CNTNAP2: variants seen among roughly 807,000 people sequenced by gnomAD.
CNTNAP2 encodes the protein contactin associated protein 2.
A neutral mutation model predicts 155.2 loss-of-function variants in CNTNAP2; 98 were observed. The ratio of observed to expected loss-of-function variants is 0.63; its 90% CI spans 0.54 to 0.75. The LOEUF (loss-of-function observed/expected upper bound fraction) is 0.75. CNTNAP2 is among the 30% of genes least tolerant of loss of function. The probability of loss-of-function intolerance (pLI) is 0.00; values close to 1 mark genes in which losing one functional copy is unlikely to be tolerated. For missense variants in CNTNAP2, 1,727 were observed against 1,688.1 expected (o/e 1.02, Z -0.40); for synonymous variants, 651 against 631.2 (o/e 1.03, Z -0.47).
chr7:147,376,173 T>C (rs1047023825), intron 9 of CNTNAP2, among the ~76,000 whole-genome samples: 1 of 152,066 alleles, frequency 6.6e-6, no homozygotes, highest in Non-Finnish European at 1.5e-5. Context: ...TAAACATACA[T>C]GTTTTGGAAG....
At chr7:147,590,495 G>T (rs767876335) in intron 12 of CNTNAP2, among the ~76,000 whole-genome samples, 1 of 152,078 alleles carries the variant, frequency 6.6e-6, no homozygotes, top group East Asian at 1.9e-4. Context: ...GGTGCCTTCC[G>T]CCATGATTAT....
intron 9 of CNTNAP2, among the ~76,000 whole-genome samples, chr7:147,317,776 A>ATATGTGTGTG (rs1405297462): frequency 1.5e-5 from 2 of 134,242 alleles, no homozygotes; most frequent in African/African-American, 3.1e-5. Flanking sequence ...ATATATATAT[A>ATATGTGTGTG]TGTGTGTGTG....
chr7:146,823,217 G>A (rs1287835512), intron 2 of CNTNAP2, among the ~76,000 whole-genome samples: 35 of 132,826 alleles, frequency 2.6e-4, no homozygotes, highest in African/African-American at 9.6e-4. Flanking sequence ...ATTTAAATAT[G>A]AGTATACTCA....
intron 9 of CNTNAP2, among the ~76,000 whole-genome samples, chr7:147,329,138 AC>A (rs201685568): frequency 1.3e-5 from 2 of 149,468 alleles, no homozygotes; most frequent in Non-Finnish European, 3.0e-5. Flanking sequence ...GGGATTGAGC[AC>A]CCCCCCACAC....
chr7:148,338,568 G>C (rs1043754700), intron 21 of CNTNAP2, among the ~76,000 whole-genome samples: 1 of 151,934 alleles, frequency 6.6e-6, no homozygotes, highest in Non-Finnish European at 1.5e-5. Context: ...GTGAGGGGGG[G>C]GTGAGTTACT....
At chr7:147,489,015 AT>A (rs1426851715) in intron 11 of CNTNAP2, among the ~76,000 whole-genome samples, 1 of 152,208 alleles carries the variant, frequency 6.6e-6, no homozygotes, top group Non-Finnish European at 1.5e-5. Context: ...TTCTATACCA[AT>A]AATTGCCCAA....
chr7:147,946,239 G>C (rs1800818430), intron 14 of CNTNAP2, among the ~76,000 whole-genome samples: 1 of 152,140 alleles, frequency 6.6e-6, no homozygotes, highest in Non-Finnish European at 1.5e-5. Flanking sequence ...ACTTCAGTGT[G>C]AAAAGGCTGG....
intron 8 of CNTNAP2, among the ~76,000 whole-genome samples, chr7:147,172,311 C>A (rs1417852738): frequency 6.6e-6 from 1 of 152,040 alleles, no homozygotes; most frequent in Non-Finnish European, 1.5e-5. Flanking sequence ...CAATATTTAA[C>A]TTTAAAAATG....
chr7:147,769,841 C>A (rs920389032), intron 13 of CNTNAP2, among the ~76,000 whole-genome samples: 2 of 152,080 alleles, frequency 1.3e-5, no homozygotes, highest in African/African-American at 4.8e-5. Flanking sequence ...CATGCTGTGG[C>A]ATAGTGTCCT....
At chr7:147,081,039 C>T (rs545246310) in intron 4 of CNTNAP2, 1 of 152,182 alleles carries the variant, frequency 6.6e-6, no homozygotes, top group East Asian at 1.9e-4. Flanking sequence ...AATATAACTC[C>T]TGATCCTGTC....
intron 13 of CNTNAP2, among the ~76,000 whole-genome samples, chr7:147,852,364 T>A (rs1043652887): frequency 6.6e-6 from 1 of 152,194 alleles, no homozygotes; most frequent in African/African-American, 2.4e-5. Context: ...CAAAAATATG[T>A]TAAGATGTTC....
intron 1 of CNTNAP2, among the ~76,000 whole-genome samples, chr7:146,761,568 A>G (rs1177734758): frequency 6.6e-6 from 1 of 152,092 alleles, no homozygotes; most frequent in African/African-American, 2.4e-5. Context: ...GATGCTATAC[A>G]TTCCCATATT....
At position 146,116,894 on chromosome 7, in the gene CNTNAP2, C is replaced by T. The variant is rs748908765; in HGVS notation, c.18C>T (p.Arg6=). 6.5e-7 allele frequency: 1 copy of T among 1,546,188 alleles called. No homozygotes were observed. Among genetic ancestry groups the T allele is most frequent in the Non-Finnish European group, 8.7e-7 (1 of 1,143,584 alleles). The change falls in exon 1 of 24, where the codon CGC becomes CGT. Residue 6 remains arginine (R), a synonymous_variant. Transcript: ENST00000361727. The surrounding 1 kb of genome is among the most constrained non-coding windows in gnomAD (Gnocchi z 5.5). The part of the protein sequence containing the change: MQAAP[R]AGCGAALLLW... ...GGCGAAGGATGCAGGCGGCTCCGCG[C>T]GCCGGCTGCGGGGCAGCGCTCCTGC... is the stretch of plus-strand genomic sequence containing the variant.
chr7:146,817,022 G>T (rs543113065), intron 2 of CNTNAP2, among the ~76,000 whole-genome samples: 1 of 152,218 alleles, frequency 6.6e-6, no homozygotes, highest in East Asian at 1.9e-4. Flanking sequence ...GAGGGGAAAG[G>T]CAGGATGAAA....
intron 3 of CNTNAP2, among the ~76,000 whole-genome samples, chr7:146,855,872 G>A (rs73459396): frequency 0.46 from 63,167 of 136,984 alleles, 14,779 homozygotes; most frequent in African/African-American, 0.59. Flanking sequence ...CATACTACAT[G>A]CTAAGTAGCT....
intron 1 of CNTNAP2, among the ~76,000 whole-genome samples, chr7:146,125,779 A>C (rs896132392): frequency 1.3e-5 from 2 of 152,066 alleles, no homozygotes; most frequent in Admixed American, 6.6e-5. Context: ...TTCCAAAGAC[A>C]GGGATGCTTG....
chr7:147,250,403 AG>A, intron 8 of CNTNAP2, among the ~76,000 whole-genome samples: 1 of 152,300 alleles, frequency 6.6e-6, no homozygotes. Context: ...AAAAAAATGC[AG>A]ATGGAGATTC....
chr7:146,791,712 T>C (rs985292594), intron 2 of CNTNAP2, among the ~76,000 whole-genome samples: 3 of 152,208 alleles, frequency 2.0e-5, no homozygotes, highest in African/African-American at 7.2e-5. Context: ...TCCTCAGCAA[T>C]TTATCAATGA....
chr7:148,191,466 C>T (rs906872280), intron 18 of CNTNAP2, among the ~76,000 whole-genome samples: 1 of 152,160 alleles, frequency 6.6e-6, no homozygotes, highest in Non-Finnish European at 1.5e-5. Context: ...GTGATAGCAG[C>T]GCCAAATAGA....
Sources: allele counts gnomAD v4.1 joint callset (sites outside exome capture counted in the v4.1 genomes callset), GRCh38; gene constraint gnomAD v4.1.1; non-coding constraint Gnocchi (gnomAD v3.1); transcripts MANE v1.5; gene names NCBI Gene and HGNC (gene_info 2026-07-23, HGNC 2026-07-21).